Variants in MINDY3 observed in about 807,000 individuals in gnomAD.
The protein encoded by MINDY3 is ubiquitin carboxyl-terminal hydrolase MINDY-3.
Under a neutral mutation model 69.2 loss-of-function variants are expected in MINDY3, and 38 were observed. That is an observed-to-expected ratio of 0.55 (90% CI 0.42 to 0.72). The LOEUF is 0.72. MINDY3 is among the 30% of genes least tolerant of loss of function. The probability of loss-of-function intolerance (pLI) is 0.00; values close to 1 mark genes in which losing one functional copy is unlikely to be tolerated. For synonymous variants in MINDY3, 192 were observed against 180.1 expected (o/e 1.07, Z -0.53); for missense variants, 522 against 519.0 (o/e 1.01, Z -0.06).
intron 8 of MINDY3, among the ~76,000 whole-genome samples, chr10:15,823,520 TAA>T (rs983686281): frequency 7.9e-5 from 12 of 152,172 alleles, no homozygotes; most frequent in Admixed American, 3.3e-4. Flanking sequence ...TAATTTTTGT[TAA>T]GTTTATTAAA....
intron 1 of MINDY3, among the ~76,000 whole-genome samples, chr10:15,849,712 G>A (rs374331409): frequency 1.3e-5 from 2 of 152,174 alleles, no homozygotes; most frequent in African/African-American, 4.8e-5. Flanking sequence ...GGGTGCCAGA[G>A]AGGGTGCCAT....
At chr10:15,832,867 G>A (rs2132052926) in intron 8 of MINDY3, among the ~76,000 whole-genome samples, 1 of 152,188 alleles carries the variant, frequency 6.6e-6, no homozygotes, top group African/African-American at 2.4e-5. Flanking sequence ...AGCAAAAAGT[G>A]GTAACTATTA....
intron 13 of MINDY3, among the ~76,000 whole-genome samples, chr10:15,784,167 G>C (rs539870556): frequency 6.6e-6 from 1 of 152,144 alleles, no homozygotes; most frequent in Non-Finnish European, 1.5e-5. Flanking sequence ...TGTCAAAATG[G>C]GGAAGATAAT....
At chr10:15,789,203 G>C (rs766565386) in intron 12 of MINDY3, 44 bp downstream of exon 12, 12 of 1,484,992 alleles carry the variant, frequency 8.1e-6, no homozygotes, top group Non-Finnish European at 1.1e-5. Context: ...AAACTTAATC[G>C]AATCTTTTTG....
At chr10:15,782,268 A>G (rs767717048) in intron 13 of MINDY3, 42 bp from the exon 14 acceptor site, 11 of 1,293,064 alleles carry the variant, frequency 8.5e-6, no homozygotes, top group South Asian at 1.3e-5. Flanking sequence ...AATTATATTT[A>G]TATCAGGCAA....
chr10:15,814,543 A>G (rs1839223872), intron 10 of MINDY3, among the ~76,000 whole-genome samples: 1 of 151,446 alleles, frequency 6.6e-6, no homozygotes, highest in African/African-American at 2.4e-5. Context: ...TTAGTATAAA[A>G]TTCAAGAGTT....
intron 1 of MINDY3, 105 bp from the exon 2 acceptor site, chr10:15,848,048 A>G (rs1231857170): frequency 2.3e-6 from 2 of 873,504 alleles, no homozygotes; most frequent in African/African-American, 3.4e-5. Context: ...TCACAACAGC[A>G]AAATATCTTC....
At chr10:15,815,749 T>C (rs1178040024) in intron 10 of MINDY3, among the ~76,000 whole-genome samples, 1 of 152,182 alleles carries the variant, frequency 6.6e-6, no homozygotes, top group African/African-American at 2.4e-5. Flanking sequence ...AAATACTTTG[T>C]ATTTAAGCCT....
intron 10 of MINDY3, among the ~76,000 whole-genome samples, chr10:15,798,716 G>A (rs531654777): frequency 1.1e-3 from 168 of 152,206 alleles, no homozygotes; most frequent in African/African-American, 3.9e-3. Context: ...TGAGGCGGAG[G>A]TTGCAGTGAA....
chr10:15,795,747 T>C (rs111492471), intron 11 of MINDY3, among the ~76,000 whole-genome samples: 2,305 of 152,130 alleles, frequency 0.015, 57 homozygotes, highest in African/African-American at 0.051. Context: ...TACAGAAATA[T>C]CCTGGAAGAT....
At chr10:15,790,633 G>A (rs186484241) in intron 11 of MINDY3, among the ~76,000 whole-genome samples, 1 of 152,180 alleles carries the variant, frequency 6.6e-6, no homozygotes, top group Non-Finnish European at 1.5e-5. Context: ...TGTGTTTATA[G>A]GCTATATCCA....
intron 5 of MINDY3, 28 bp downstream of exon 5, chr10:15,838,200 G>A (rs1404841630): frequency 1.9e-6 from 3 of 1,590,700 alleles, no homozygotes; most frequent in South Asian, 2.3e-5. Flanking sequence ...CACAGAGTAA[G>A]TATTTTAAAT....
At chr10:15,801,666 T>C (rs955866187) in intron 10 of MINDY3, among the ~76,000 whole-genome samples, 2 of 152,050 alleles carry the variant, frequency 1.3e-5, no homozygotes, top group African/African-American at 4.8e-5. Flanking sequence ...TGGTTATTGC[T>C]ATTAAAGAGA....
chr10:15,822,853 T>C (rs1839862428), intron 8 of MINDY3, among the ~76,000 whole-genome samples: 1 of 152,112 alleles, frequency 6.6e-6, no homozygotes. Context: ...AATAATAAAG[T>C]CTTTTCATAA....
At position 15,808,919 on chromosome 10, in the gene MINDY3, G is replaced by C. The variant is rs752547252; in HGVS notation, c.882+7916C>G. ...GCAGGGTCCAACTATTTTTATACTG[G>C]ATCAACAGCTGTCACTCCACATTGA... On this transcript the variant is annotated intron_variant, in intron 10 of 14. Transcript: ENST00000277632. 6.0e-4 allele frequency among the ~76,000 whole-genome samples: 91 copies of C among 152,018 alleles called. 1 individual carries two copies. Among genetic ancestry groups the C allele is most frequent in the Non-Finnish European group, 1.6e-4 (11 of 67,998 alleles).
intron 8 of MINDY3, among the ~76,000 whole-genome samples, chr10:15,826,493 T>C (rs556067797): frequency 1.3e-5 from 2 of 152,312 alleles, no homozygotes; most frequent in African/African-American, 2.4e-5. Context: ...TATGTAAAGA[T>C]ATAATTTCCT....
At chr10:15,832,835 G>A (rs578051152) in intron 8 of MINDY3, among the ~76,000 whole-genome samples, 4 of 152,212 alleles carry the variant, frequency 2.6e-5, no homozygotes, top group Admixed American at 2.6e-4. Flanking sequence ...TCAAATGGAA[G>A]ATCATGAATC....
At chr10:15,821,046 T>C (rs1839723337) in intron 9 of MINDY3, among the ~76,000 whole-genome samples, 2 of 152,200 alleles carry the variant, frequency 1.3e-5, no homozygotes, top group Admixed American at 1.3e-4. Context: ...TTAAATTCCA[T>C]TTAAAACTAT....
chr10:15,830,725 G>A (rs1281870037), intron 8 of MINDY3, among the ~76,000 whole-genome samples: 1 of 152,188 alleles, frequency 6.6e-6, no homozygotes. Context: ...GGAGAATGAG[G>A]GGTAGGAAAA....
Sources: allele counts gnomAD v4.1 joint callset (sites outside exome capture counted in the v4.1 genomes callset), GRCh38; gene constraint gnomAD v4.1.1; transcripts MANE v1.5; gene names NCBI Gene and HGNC (gene_info 2026-07-23, HGNC 2026-07-21).